Variants in CYSLTR1 observed in about 807,000 individuals in gnomAD.
CYSLTR1 encodes the protein cysteinyl leukotriene receptor 1.
In CYSLTR1, 1 loss-of-function variant was observed where a neutral mutation model predicts 2.1. That is an observed-to-expected ratio of 0.48 (90% CI 0.17 to 2.28). The LOEUF (loss-of-function observed/expected upper bound fraction) is 2.28. CYSLTR1 is among the 30% of genes most tolerant of loss of function. The probability of loss-of-function intolerance (pLI) is 0.26; values close to 1 mark genes in which losing one functional copy is unlikely to be tolerated. For synonymous variants in CYSLTR1, 110 were observed against 89.6 expected, an observed-to-expected ratio of 1.23 and a Z score of -1.28; for missense variants, 299 against 250.1, an observed-to-expected ratio of 1.20 and a Z score of -1.32.
chrX:78,285,305 C>T (rs1922017960), intron 1 of CYSLTR1, among the ~76,000 whole-genome samples: 1 of 108,869 alleles, frequency 9.2e-6, no homozygotes, highest in Admixed American at 9.9e-5. Context: ...CCTTTAGTCC[C>T]AGCTACTCGG....
At chrX:78,306,976 T>A (rs1006192428) in intron 1 of CYSLTR1, among the ~76,000 whole-genome samples, 6 of 112,131 alleles carry the variant, frequency 5.4e-5, no homozygotes, top group African/African-American at 1.9e-4. Context: ...AGTAATAAAT[T>A]TTTAACTAAA....
intron 1 of CYSLTR1, among the ~76,000 whole-genome samples, chrX:78,318,290 A>G (rs1447579322): frequency 1.8e-5 from 2 of 112,355 alleles, no homozygotes; most frequent in Non-Finnish European, 3.8e-5. Flanking sequence ...CAGGAACAGA[A>G]AATCAAACAC....
chrX:78,285,631 A>G (rs1455126085), intron 1 of CYSLTR1, among the ~76,000 whole-genome samples: 1 of 111,941 alleles, frequency 8.9e-6, no homozygotes, highest in East Asian at 2.8e-4. Context: ...CTATCTAGTT[A>G]TCCATTTCCA....
chrX:78,279,784 C>T (rs755403336), intron 2 of CYSLTR1, among the ~76,000 whole-genome samples: 2 of 111,955 alleles, frequency 1.8e-5, no homozygotes, highest in Non-Finnish European at 1.9e-5. Context: ...CATTAAATAA[C>T]GTCCTTGGCT....
intron 1 of CYSLTR1, among the ~76,000 whole-genome samples, chrX:78,307,939 T>C (rs1176840298): frequency 9.0e-6 from 1 of 111,371 alleles, no homozygotes; most frequent in Non-Finnish European, 1.9e-5. Context: ...CAGGGATCTT[T>C]GGCCTGAGTC....
rs919220001 is a variant in CYSLTR1, at chrX:78,273,468, G to T, written c.279C>A (p.Asp93Glu). Residue 93 changes from aspartate to glutamate, a missense_variant, in exon 3 of 3, where the codon GAC (aspartate) becomes GAA (glutamate). Transcript: ENST00000373304. ...CATAGGTGCTGAGGCGGCACAAGAA[G>T]TCACCAAAGAGCCAAATGCCTTTGT... The part of the protein sequence containing the change: ...YVHKGIWLFG[D>E]FLCRLSTYAL... The T allele has an allele frequency of 4.1e-6, 5 of 1,210,065 alleles. No individual in the cohort carries two copies. The highest frequency in any genetic ancestry group is 1.8e-5 in the South Asian group (1 of 56,838).
At chrX:78,280,527 G>T (rs1013657528) in intron 2 of CYSLTR1, among the ~76,000 whole-genome samples, 3 of 98,727 alleles carry the variant, frequency 3.0e-5, no homozygotes, top group African/African-American at 1.2e-4. Context: ...GTGTGTGTTG[G>T]GGGGGGGGTA....
chrX:78,291,850 C>T (rs1922344198), intron 1 of CYSLTR1, among the ~76,000 whole-genome samples: 1 of 108,699 alleles, frequency 9.2e-6, no homozygotes, highest in Non-Finnish European at 1.9e-5. Flanking sequence ...TGATTCTTCT[C>T]TCTTTTCTTC....
chrX:78,320,857 T>A (rs1923624891), intron 1 of CYSLTR1: 1 of 111,681 alleles, frequency 9.0e-6, no homozygotes, highest in South Asian at 3.7e-4. Flanking sequence ...CTAGGTATTT[T>A]ATTCTCTTTG....
In CYSLTR1 at chrX:78,292,559, A is replaced by G. The variant is rs776359471; in HGVS notation, c.-114-9019T>C. Among the ~76,000 whole-genome samples, 120 of 111,340 alleles carry G rather than the reference A, an allele frequency of 1.1e-3. 1 individual carries two copies. Among genetic ancestry groups the G allele is most frequent in the African/African-American group, 3.8e-3 (115 of 30,623 alleles). On this transcript the variant is annotated intron_variant, in intron 1 of 2. Transcript: ENST00000373304. Reference sequence around the variant, plus strand: ...TGTCTCATTGATCTGTCTAATATTGACAGTGGGGTGTTAAAGACTCCCATT... The same window carrying G: ...TGTCTCATTGATCTGTCTAATATTGGCAGTGGGGTGTTAAAGACTCCCATT...
At chrX:78,301,232 C>T (rs375208892) in intron 1 of CYSLTR1, among the ~76,000 whole-genome samples, 30 of 112,695 alleles carry the variant, frequency 2.7e-4, no homozygotes, top group African/African-American at 4.8e-4. Flanking sequence ...TGGTGATTAA[C>T]ATTTGACTTC....
chrX:78,286,985 AT>A (rs952428556), intron 1 of CYSLTR1, among the ~76,000 whole-genome samples: 1 of 111,487 alleles, frequency 9.0e-6, no homozygotes, highest in African/African-American at 3.3e-5. Context: ...TTATTCAAAT[AT>A]TTCACACATT....
chrX:78,302,350 C>T (rs768907013), intron 1 of CYSLTR1, among the ~76,000 whole-genome samples: 3 of 111,598 alleles, frequency 2.7e-5, no homozygotes, highest in Non-Finnish European at 5.7e-5. Context: ...GAAATGCTAT[C>T]CAAGAGCCAA....
intron 1 of CYSLTR1, among the ~76,000 whole-genome samples, chrX:78,323,931 T>C (rs1205600641): frequency 8.9e-6 from 1 of 111,820 alleles, no homozygotes; most frequent in South Asian, 3.7e-4. Context: ...AGGGCTTATG[T>C]TTACTCTTCT....
intron 1 of CYSLTR1, among the ~76,000 whole-genome samples, chrX:78,311,858 C>T (rs1377840274): frequency 2.7e-5 from 3 of 111,550 alleles, no homozygotes; most frequent in South Asian, 3.7e-4. Flanking sequence ...GAAAAATATT[C>T]GATGCTCATA....
chrX:78,290,817 AC>A (rs1251300511), intron 1 of CYSLTR1, among the ~76,000 whole-genome samples: 13 of 111,950 alleles, frequency 1.2e-4, no homozygotes, highest in African/African-American at 4.2e-4. Flanking sequence ...GCATCCTGAA[AC>A]TTTGCTGAAG....
intron 1 of CYSLTR1, among the ~76,000 whole-genome samples, chrX:78,322,080 G>A (rs1192173451): frequency 9.0e-6 from 1 of 111,335 alleles, no homozygotes; most frequent in Non-Finnish European, 1.9e-5. Context: ...TTCTGCTGCT[G>A]AGCAGTGGCA....
intron 1 of CYSLTR1, among the ~76,000 whole-genome samples, chrX:78,286,366 T>A (rs1009472327): frequency 8.9e-6 from 1 of 111,934 alleles, no homozygotes; most frequent in African/African-American, 3.3e-5. Flanking sequence ...GACATATGAG[T>A]TGCTTTCAAG....
intron 1 of CYSLTR1, among the ~76,000 whole-genome samples, chrX:78,302,608 A>C (rs1171416913): frequency 9.0e-6 from 1 of 110,590 alleles, no homozygotes; most frequent in Non-Finnish European, 1.9e-5. Flanking sequence ...GTTATTCAGG[A>C]CCTAAGAGGT....
Sources: gnomAD v4.1 joint callset for allele counts (sites outside exome capture counted in the v4.1 genomes callset) on GRCh38, gnomAD v4.1.1 for gene constraint, MANE v1.5 for transcripts, NCBI Gene and HGNC (gene_info 2026-07-23, HGNC 2026-07-21) for gene names.